The following ATRNL1 variants were observed in gnomAD, a reference collection of about 807,000 sequenced individuals.
ATRNL1 encodes attractin like 1, also known as attractin-like protein 1.
In ATRNL1, 95 loss-of-function variants were observed where a neutral mutation model predicts 182.7. The ratio of observed to expected loss-of-function variants is 0.52; its 90% CI spans 0.44 to 0.62. The LOEUF (loss-of-function observed/expected upper bound fraction) is 0.62, where lower values mean the gene tolerates loss of function less well. Ranked by LOEUF, ATRNL1 falls within the 20% of genes least tolerant of loss-of-function variation. The pLI, the probability that ATRNL1 is intolerant of heterozygous loss-of-function variation, is 0.00. For missense variants in ATRNL1, 1,471 were observed against 1,679.5 expected, an observed-to-expected ratio of 0.88 and a Z score of 2.17; for synonymous variants, 576 against 568.3, an observed-to-expected ratio of 1.01 and a Z score of -0.19.
At chr10:115,102,967 T>C (rs906246681) in intron 1 of ATRNL1, among the ~76,000 whole-genome samples, 7 of 152,060 alleles carry the variant, frequency 4.6e-5, no homozygotes, top group African/African-American at 1.7e-4. Flanking sequence ...TTTCATCTAT[T>C]TGGGTTTTCA....
chr10:115,703,171 A>G (rs1565301967), intron 26 of ATRNL1, among the ~76,000 whole-genome samples: 2 of 151,962 alleles, frequency 1.3e-5, no homozygotes, highest in South Asian at 4.1e-4. Context: ...ATGACTCCCT[A>G]TTCAATAAAT....
intron 28 of ATRNL1, among the ~76,000 whole-genome samples, chr10:115,865,822 G>C (rs1296044242): frequency 6.6e-6 from 1 of 152,086 alleles, no homozygotes; most frequent in Non-Finnish European, 1.5e-5. Context: ...CTGCTGAAAA[G>C]GGGCAAATCT....
intron 24 of ATRNL1, among the ~76,000 whole-genome samples, chr10:115,515,951 T>A (rs1331472096): frequency 2.0e-5 from 3 of 151,880 alleles, no homozygotes; most frequent in African/African-American, 7.2e-5. Context: ...TTCTTTTTTT[T>A]AAGCTCTAAT....
At chr10:115,935,450 A>G (rs1010262400) in intron 28 of ATRNL1, among the ~76,000 whole-genome samples, 2 of 152,114 alleles carry the variant, frequency 1.3e-5, no homozygotes, top group African/African-American at 2.4e-5. Context: ...TCACATCTCT[A>G]CTAAGTTTTG....
chr10:115,332,531 A>G (rs1554935376), intron 18 of ATRNL1, among the ~76,000 whole-genome samples: 1 of 152,196 alleles, frequency 6.6e-6, no homozygotes, highest in Admixed American at 6.5e-5. Context: ...CCTTGCTATT[A>G]AATTTTCTAA....
At chr10:115,340,847 G>T (rs1855721247) in intron 19 of ATRNL1, among the ~76,000 whole-genome samples, 1 of 151,634 alleles carries the variant, frequency 6.6e-6, no homozygotes, top group Non-Finnish European at 1.5e-5. Context: ...GTAATCCTTT[G>T]AATTTTTGCA....
intron 27 of ATRNL1, among the ~76,000 whole-genome samples, chr10:115,818,670 T>C (rs1402313415): frequency 2.6e-5 from 4 of 152,132 alleles, no homozygotes; most frequent in African/African-American, 9.7e-5. Flanking sequence ...CTATTTTCCT[T>C]CTAGTCACTT....
At chr10:115,168,567 A>G (rs781984933) in intron 7 of ATRNL1, among the ~76,000 whole-genome samples, 7 of 152,052 alleles carry the variant, frequency 4.6e-5, no homozygotes, top group Non-Finnish European at 7.4e-5. Flanking sequence ...TTAACTAATG[A>G]TGTTGAGCAT....
chr10:115,469,447 A>G, intron 24 of ATRNL1, 118 bp downstream of exon 24: 1 of 567,694 alleles, frequency 1.8e-6, no homozygotes, highest in Non-Finnish European at 2.9e-6. Flanking sequence ...AAAAACATGC[A>G]TTGACCTTTG....
chr10:115,650,796 T>C (rs1029402639), intron 26 of ATRNL1, among the ~76,000 whole-genome samples: 46 of 152,168 alleles, frequency 3.0e-4, no homozygotes, highest in Non-Finnish European at 5.7e-4. Flanking sequence ...GTGTTGTTCA[T>C]TTTTTTGTGT....
chr10:115,506,921 A>G (rs533435133), intron 24 of ATRNL1, among the ~76,000 whole-genome samples: 34 of 152,232 alleles, frequency 2.2e-4, no homozygotes, highest in Middle Eastern at 3.4e-3. Context: ...TTATTTGCCA[A>G]GGTTGAGGAC....
At chr10:115,789,392 C>T (rs181701559) in intron 27 of ATRNL1, among the ~76,000 whole-genome samples, 296 of 152,160 alleles carry the variant, frequency 1.9e-3, no homozygotes, top group African/African-American at 6.7e-3. Context: ...AATGAAAAAG[C>T]CTGAATCGCT....
At chr10:115,235,106 C>T (rs1463376447) in intron 9 of ATRNL1, among the ~76,000 whole-genome samples, 5 of 151,992 alleles carry the variant, frequency 3.3e-5, no homozygotes, top group South Asian at 2.1e-4. Flanking sequence ...GTCTGTGCCT[C>T]GTTTGGGTTT....
chr10:115,158,393 C>T (rs1274524548), intron 5 of ATRNL1, among the ~76,000 whole-genome samples: 1 of 151,944 alleles, frequency 6.6e-6, no homozygotes, highest in Non-Finnish European at 1.5e-5. Context: ...ATGAACATGG[C>T]TGTGTTTTAA....
At chr10:115,462,954 A>G (rs958997573) in intron 22 of ATRNL1, among the ~76,000 whole-genome samples, 12 of 151,956 alleles carry the variant, frequency 7.9e-5, no homozygotes, top group African/African-American at 2.9e-4. Context: ...TATCAACCAT[A>G]GGGTTTATTC....
At chr10:115,246,353 A>G (rs1554904083) in intron 10 of ATRNL1, among the ~76,000 whole-genome samples, 1 of 152,180 alleles carries the variant, frequency 6.6e-6, no homozygotes, top group Non-Finnish European at 1.5e-5. Context: ...AAAAAAAAGG[A>G]ATTTTAGTTG....
intron 19 of ATRNL1, among the ~76,000 whole-genome samples, chr10:115,354,331 A>G (rs1314711304): frequency 6.6e-6 from 1 of 151,856 alleles, no homozygotes; most frequent in Non-Finnish European, 1.5e-5. Flanking sequence ...GATTGATAAA[A>G]TCTCTTCAGC....
intron 21 of ATRNL1, among the ~76,000 whole-genome samples, chr10:115,461,323 G>A (rs1320097226): frequency 1.3e-5 from 2 of 152,012 alleles, no homozygotes; most frequent in Non-Finnish European, 2.9e-5. Flanking sequence ...CCAGCATTAT[G>A]TATGGACAAA....
intron 28 of ATRNL1, among the ~76,000 whole-genome samples, chr10:115,871,000 G>A (rs984060122): frequency 6.6e-6 from 1 of 152,186 alleles, no homozygotes; most frequent in Non-Finnish European, 1.5e-5. Context: ...AACTTTAGCA[G>A]AGGAAGTAAC....
Sources: allele counts gnomAD v4.1 joint callset (sites outside exome capture counted in the v4.1 genomes callset), GRCh38; gene constraint gnomAD v4.1.1; transcripts MANE v1.5; gene names NCBI Gene and HGNC (gene_info 2026-07-23, HGNC 2026-07-21).